CRACD: variants seen among roughly 807,000 people sequenced by gnomAD.
CRACD encodes the protein capping protein inhibiting regulator of actin dynamics, also known as capping protein-inhibiting regulator of actin dynamics.
A neutral mutation model predicts 106.8 loss-of-function variants in CRACD; 56 were observed. The observed-to-expected ratio is 0.52, with a 90% CI of 0.42 to 0.66. CRACD has a LOEUF of 0.66. Ranked by LOEUF, CRACD falls within the 30% of genes least tolerant of loss-of-function variation. The pLI is 0.00. For synonymous variants in CRACD, 754 were observed against 670.8 expected (o/e 1.12, Z -1.92); for missense variants, 1,730 against 1,623.2 (o/e 1.07, Z -1.13).
At position 56,315,084 on chromosome 4, in the gene CRACD, G is replaced by A. The variant is rs1745496546; in HGVS notation, c.1582G>A (p.Asp528Asn). The A allele has an allele frequency of 6.2e-7, 1 of 1,610,802 alleles. No homozygotes were observed. The highest frequency in any genetic ancestry group is 1.3e-5 in the African/African-American group (1 of 74,786). ...KVEELRWQEV[D>N]ERQTMPRPYT... is the part of the protein sequence containing the mutation. ...GGAGGAGCTGCGGTGGCAGGAGGTG[G>A]ACGAGAGACAGACCATGCCCCGGCC... The change falls in exon 8 of 11, where the codon GAC (aspartate) becomes AAC (asparagine). Residue 528 changes from aspartate (D) to asparagine (N), a missense_variant. Coordinates refer to ENST00000682029, the MANE Select transcript of CRACD (RefSeq NM_001393381.1). The surrounding 1 kb of genome is among the most constrained non-coding windows in gnomAD (Gnocchi z 4.1).
At chr4:56,303,276 C>T (rs1471351976) in intron 4 of CRACD, among the ~76,000 whole-genome samples, 2 of 151,100 alleles carry the variant, frequency 1.3e-5, no homozygotes, top group South Asian at 2.1e-4. Flanking sequence ...ACCCCAGAGG[C>T]GGAGGCTGCA....
chr4:56,130,674 A>G (rs943237925), intron 1 of CRACD, among the ~76,000 whole-genome samples: 30 of 152,114 alleles, frequency 2.0e-4, no homozygotes, highest in Non-Finnish European at 1.5e-5. Context: ...TTGCTCATCT[A>G]CTAGTTGGTT....
intron 2 of CRACD, among the ~76,000 whole-genome samples, chr4:56,213,645 C>T (rs142012182): frequency 1.6e-4 from 24 of 152,194 alleles, no homozygotes; most frequent in East Asian, 3.9e-4. Context: ...AAATGAGGTG[C>T]GGAAACAGCT....
chr4:56,262,928 C>T (rs1406178368), intron 2 of CRACD, among the ~76,000 whole-genome samples: 1 of 152,234 alleles, frequency 6.6e-6, no homozygotes, highest in South Asian at 2.1e-4. Flanking sequence ...TTCTGATTTC[C>T]AAAACACAGC....
At chr4:56,188,686 TCA>T (rs375013824) in intron 2 of CRACD, among the ~76,000 whole-genome samples, 27 of 92,188 alleles carry the variant, frequency 2.9e-4, no homozygotes, top group African/African-American at 5.9e-4. Flanking sequence ...TCTCTCTCTC[TCA>T]CACACACACA....
In CRACD at chr4:56,314,672, G is replaced by A. The variant is rs748869826; in HGVS notation, c.1170G>A (p.Gly390=). ...CGCCCGAGGCGTTGGAGGAGACTGG[G>A]GAGGGCCGGCGGGGCGCGGAGGAGG... The part of the protein sequence containing the change: ...QGPPEALEET[G]EGRRGAEEED... The change falls in exon 8 of 11, where the codon GGG becomes GGA. Residue 390 remains glycine, a synonymous_variant. Transcript: ENST00000682029. The surrounding 1 kb of genome is among the most constrained non-coding windows in gnomAD (Gnocchi z 4.4). The A allele has an allele frequency of 1.3e-6, 2 of 1,550,764 alleles. No individual in the cohort carries two copies. Among genetic ancestry groups the A allele is most frequent in the East Asian group, 2.4e-5 (1 of 41,192 alleles).
intron 2 of CRACD, among the ~76,000 whole-genome samples, chr4:56,258,849 A>C (rs890591930): frequency 1.3e-5 from 2 of 152,176 alleles, no homozygotes; most frequent in African/African-American, 4.8e-5. Flanking sequence ...ATGTGGATAG[A>C]TCTCTCTGAA....
Position 56,296,607 on chromosome 4 carries a change from C to T in CRACD, c.-16-1607C>T, listed in dbSNP as rs548071239. Reference sequence around the variant, plus strand: ...CGGAGGCACTGCCTGGGAACACCTGCCCCCAACGCTGGCTATTCTTTCATG... The same window carrying T: ...CGGAGGCACTGCCTGGGAACACCTGTCCCCAACGCTGGCTATTCTTTCATG... On this transcript the variant is annotated intron_variant, in intron 3 of 10. Transcript: ENST00000682029. Among the ~76,000 whole-genome samples the T allele has an allele frequency of 5.3e-5, 8 of 152,320 alleles. No homozygotes were observed. The East Asian group carries it at 1.5e-3, about 29-fold the overall frequency.
Position 56,324,063 on chromosome 4 carries a change from G to A in CRACD, c.3379-41G>A, listed in dbSNP as rs1479360977. ...GCAGGGTCAGTCTTTCCATGTCTTA[G>A]GTTGAAAACATGTTTCCCATGACTG... On this transcript the variant is annotated intron_variant, in intron 9 of 10. Transcript: ENST00000682029. 3 of 1,570,090 alleles carry A rather than the reference G, an allele frequency of 1.9e-6. No homozygotes were observed. The African/African-American group carries it at 4.0e-5, about 21-fold the overall frequency.
intron 1 of CRACD, among the ~76,000 whole-genome samples, chr4:56,078,466 G>T (rs1206025840): frequency 6.6e-6 from 1 of 152,076 alleles, no homozygotes; most frequent in South Asian, 2.1e-4. Flanking sequence ...GAGTGCAGTG[G>T]TGTGATCATA....
At chr4:56,137,752 C>G (rs1407875609) in intron 1 of CRACD, among the ~76,000 whole-genome samples, 1 of 152,204 alleles carries the variant, frequency 6.6e-6, no homozygotes, top group African/African-American at 2.4e-5. Context: ...ACTCGGAAGG[C>G]TGAGGCAGGA....
chr4:56,286,340 C>G (rs913669963), intron 3 of CRACD, among the ~76,000 whole-genome samples: 7 of 150,610 alleles, frequency 4.6e-5, no homozygotes, highest in African/African-American at 1.5e-4. Context: ...TTGCAGTGAG[C>G]TGAGATTGTG....
chr4:56,177,790 T>C (rs539322698), intron 1 of CRACD, among the ~76,000 whole-genome samples: 1 of 152,332 alleles, frequency 6.6e-6, no homozygotes, highest in Non-Finnish European at 1.5e-5. Flanking sequence ...TTCTAATTTA[T>C]TGTTGTACAA....
At chr4:56,285,886 A>G (rs115143929) in intron 3 of CRACD, among the ~76,000 whole-genome samples, 200 of 152,314 alleles carry the variant, frequency 1.3e-3, no homozygotes, top group African/African-American at 4.2e-3. Context: ...CAGCTGGTAA[A>G]TGGTAGAACT....
Position 56,315,582 on chromosome 4 carries a change from G to A in CRACD, c.2080G>A (p.Gly694Ser), listed in dbSNP as rs376583594. ...CAGCGAGAGGGACCAGTTGAGGCCC[G>A]GTGATGAGTCCACTCCCAGGGGCCG... ...RSSERDQLRP[G>S]DESTPRGRCD... The change falls in exon 8 of 11, where the codon GGT (glycine) becomes AGT (serine). Residue 694 changes from glycine (G) to serine (S), a missense_variant. Physicochemically the swap from Gly to Ser is moderately conservative, Grantham distance 56. Coordinates refer to ENST00000682029, the MANE Select transcript of CRACD (RefSeq NM_001393381.1). The surrounding 1 kb of genome is among the most constrained non-coding windows in gnomAD (Gnocchi z 4.1). The A allele has an allele frequency of 4.3e-6, 7 of 1,614,044 alleles. No homozygotes were observed. In the African/African-American group the frequency reaches 5.3e-5, roughly 12 times the overall value.
Position 56,188,897 on chromosome 4 carries a change from T to A in CRACD, c.-189+9467T>A, listed in dbSNP as rs75755112. ...TATCTCTAAACCATAATGGGCTGGG[T>A]GCGGTAGCTCACGCCTGTAATCCCA... On this transcript the variant is annotated intron_variant, in intron 2 of 10. Transcript: ENST00000682029. 5.8e-4 allele frequency among the ~76,000 whole-genome samples: 88 copies of A among 151,998 alleles called. 1 individual carries two copies. In the East Asian group the frequency reaches 0.015, roughly 25 times the overall value.
At chr4:56,110,198 T>G (rs1461178082) in intron 1 of CRACD, among the ~76,000 whole-genome samples, 1 of 152,112 alleles carries the variant, frequency 6.6e-6, no homozygotes, top group African/African-American at 2.4e-5. Context: ...AGTAAAAAAA[T>G]ATAGTAAGAA....
chr4:56,174,530 A>G (rs1233265850), intron 1 of CRACD, among the ~76,000 whole-genome samples: 1 of 152,238 alleles, frequency 6.6e-6, no homozygotes, highest in Non-Finnish European at 1.5e-5. Context: ...GTAAGTGAGA[A>G]TGTGATATTT....
At chr4:56,087,216 T>C (rs1733258983) in intron 1 of CRACD, among the ~76,000 whole-genome samples, 1 of 152,188 alleles carries the variant, frequency 6.6e-6, no homozygotes, top group Non-Finnish European at 1.5e-5. Context: ...TTTCACCATG[T>C]TGGCCAGGCT....
Sources: allele counts gnomAD v4.1 joint callset (sites outside exome capture counted in the v4.1 genomes callset), GRCh38; gene constraint gnomAD v4.1.1; non-coding constraint Gnocchi (gnomAD v3.1); transcripts MANE v1.5; gene names NCBI Gene and HGNC (gene_info 2026-07-23, HGNC 2026-07-21).